Variants in MYRFL observed in about 807,000 individuals in gnomAD.
MYRFL encodes the protein myelin regulatory factor-like protein.
Under a neutral mutation model 109.4 loss-of-function variants are expected in MYRFL, and 88 were observed. That is an observed-to-expected ratio of 0.80 (90% CI 0.68 to 0.96). The LOEUF (loss-of-function observed/expected upper bound fraction) is 0.96, where lower values mean the gene tolerates loss of function less well. Among genes scored for constraint, MYRFL ranks in the 40% least tolerant of loss-of-function variants. The probability of loss-of-function intolerance (pLI) is 0.00; values close to 1 mark genes in which losing one functional copy is unlikely to be tolerated. For synonymous variants in MYRFL, 324 were observed against 320.9 expected, an observed-to-expected ratio of 1.01 and a Z score of -0.10; for missense variants, 957 against 954.9, an observed-to-expected ratio of 1.00 and a Z score of -0.03.
intron 21 of MYRFL, among the ~76,000 whole-genome samples, chr12:69,954,872 G>T (rs530343192): frequency 3.3e-4 from 51 of 152,286 alleles, no homozygotes; most frequent in African/African-American, 1.2e-3. Context: ...ATGGTAATTA[G>T]AATTATAACA....
chr12:69,916,683 T>C (rs1283412780), intron 13 of MYRFL, among the ~76,000 whole-genome samples: 1 of 152,166 alleles, frequency 6.6e-6, no homozygotes, highest in Non-Finnish European at 1.5e-5. Flanking sequence ...GGCTACAGAC[T>C]GTTATAACCC....
chr12:69,893,052 C>G (rs1424388862), intron 7 of MYRFL, among the ~76,000 whole-genome samples: 1 of 152,116 alleles, frequency 6.6e-6, no homozygotes, highest in Non-Finnish European at 1.5e-5. Flanking sequence ...GTTAATAAAA[C>G]TTCAGTGAAC....
chr12:69,929,092 A>G (rs1955189450), intron 15 of MYRFL, among the ~76,000 whole-genome samples: 1 of 152,206 alleles, frequency 6.6e-6, no homozygotes, highest in South Asian at 2.1e-4. Context: ...ACGTTTATCA[A>G]ATGAATACAT....
intron 1 of MYRFL, among the ~76,000 whole-genome samples, chr12:69,836,716 A>G (rs1421955301): frequency 6.6e-6 from 1 of 152,188 alleles, no homozygotes; most frequent in Admixed American, 6.5e-5. Flanking sequence ...TAAGGATAAG[A>G]CAAACAAAAA....
intron 2 of MYRFL, among the ~76,000 whole-genome samples, chr12:69,865,242 G>T (rs1884947232): frequency 6.6e-6 from 1 of 152,200 alleles, no homozygotes; most frequent in African/African-American, 2.4e-5. Flanking sequence ...TTATGCTTGG[G>T]TTCAATGAGG....
chr12:69,839,756 A>G (rs1329287495), intron 1 of MYRFL, among the ~76,000 whole-genome samples: 3 of 152,222 alleles, frequency 2.0e-5, no homozygotes, highest in African/African-American at 7.2e-5. Context: ...AGAGTTCACT[A>G]AACTTACCAA....
chr12:69,912,996 C>T (rs1306674089), intron 13 of MYRFL, among the ~76,000 whole-genome samples: 1 of 152,066 alleles, frequency 6.6e-6, no homozygotes, highest in African/African-American at 2.4e-5. Flanking sequence ...CAAACAGAAG[C>T]CATCCAAATG....
intron 19 of MYRFL, among the ~76,000 whole-genome samples, chr12:69,943,775 A>G (rs1391790751): frequency 6.7e-6 from 1 of 149,208 alleles, no homozygotes; most frequent in Non-Finnish European, 1.5e-5. Context: ...AATTTTTGCA[A>G]CCTACTCATC....
At position 69,910,047 on chromosome 12, in the gene MYRFL, G is replaced by A. The variant is rs1954504924; in HGVS notation, c.1462G>A (p.Ala488Thr). Reference sequence around the variant, plus strand: ...TGACTACAAACCTGAATTTGCATCTGCAATGGGAATAAACACTGCCCATCA... The same window carrying A: ...TGACTACAAACCTGAATTTGCATCTACAATGGGAATAAACACTGCCCATCA... ...EYDYKPEFAS[A>T]MGINTAHQTG... Residue 488 changes from alanine (A) to threonine (T), a missense_variant, in exon 12 of 25, where the codon GCA becomes ACA. By Grantham distance (58) the Ala-to-Thr change is moderately conservative. Coordinates refer to ENST00000552032, the MANE Select transcript of MYRFL (RefSeq NM_182530.3). 6.5e-7 allele frequency: 1 copy of A among 1,534,182 alleles called. No homozygotes were observed. The highest frequency in any genetic ancestry group is 1.4e-5 in the African/African-American group (1 of 72,924).
intron 2 of MYRFL, among the ~76,000 whole-genome samples, chr12:69,877,690 T>G (rs1005488640): frequency 2.1e-4 from 32 of 152,196 alleles, no homozygotes; most frequent in African/African-American, 7.7e-4. Context: ...TAATAGGAAG[T>G]GAATAAATTA....
At chr12:69,859,286 A>G (rs917592291) in intron 2 of MYRFL, among the ~76,000 whole-genome samples, 6 of 152,154 alleles carry the variant, frequency 3.9e-5, no homozygotes, top group African/African-American at 1.4e-4. Context: ...GGTGAATGTT[A>G]CGTATGCACT....
At chr12:69,880,063 G>T in intron 4 of MYRFL, 138 bp from the exon 5 acceptor site, 2 of 583,176 alleles carry the variant, frequency 3.4e-6, no homozygotes, top group East Asian at 5.7e-5. Flanking sequence ...AATAGTTTCA[G>T]CCTAGTAGGG....
At chr12:69,847,018 A>G (rs1009900506) in intron 1 of MYRFL, among the ~76,000 whole-genome samples, 5 of 152,020 alleles carry the variant, frequency 3.3e-5, no homozygotes, top group Admixed American at 1.3e-4. Flanking sequence ...GTCTGTTCAT[A>G]TCCTTTGCCC....
At position 69,862,884 on chromosome 12, in the gene MYRFL, G is replaced by GTTTGTC. The variant is rs1395300895; in HGVS notation, c.137+7515_137+7520dup. On this transcript the variant is annotated intron_variant, in intron 2 of 24. Coordinates refer to ENST00000552032, the MANE Select transcript of MYRFL (RefSeq NM_182530.3). ...CCATTCAGTATGATATTGGCTGTGG[G>GTTTGTC]TTTGTCATAGATAGCTGTTATTATT... 5.3e-5 allele frequency among the ~76,000 whole-genome samples: 8 copies of GTTTGTC among 152,272 alleles called. No individual in the cohort carries two copies. The East Asian group carries it at 1.5e-3, about 29-fold the overall frequency.
At chr12:69,854,340 G>GGAGGGGGAGGGA (rs1884131495) in intron 1 of MYRFL, among the ~76,000 whole-genome samples, 1 of 141,794 alleles carries the variant, frequency 7.1e-6, no homozygotes, top group African/African-American at 2.6e-5. Flanking sequence ...CCGTGGAGGG[G>GGAGGGGGAGGGA]GAGGGGGAGG....
At chr12:69,885,240 T>C (rs1260624780) in intron 5 of MYRFL, among the ~76,000 whole-genome samples, 2 of 152,212 alleles carry the variant, frequency 1.3e-5, no homozygotes, top group Non-Finnish European at 2.9e-5. Flanking sequence ...GAAATCTTTC[T>C]AAAATGGGCA....
intron 5 of MYRFL, among the ~76,000 whole-genome samples, chr12:69,883,192 A>T (rs1886238375): frequency 6.6e-6 from 1 of 152,328 alleles, no homozygotes; most frequent in Middle Eastern, 3.4e-3. Flanking sequence ...CAGCTGTGAC[A>T]CTGGGCAAGT....
chr12:69,839,041 GA>G (rs1345189159), intron 1 of MYRFL, among the ~76,000 whole-genome samples: 1 of 152,130 alleles, frequency 6.6e-6, no homozygotes, highest in East Asian at 1.9e-4. Context: ...CTAAGTTTGT[GA>G]AAAAGCAATG....
rs1456738990 is a variant in MYRFL, at chr12:69,923,331, T to C, written c.1603-3240T>C. Reference sequence around the variant, plus strand: ...ATCTGGGTCCTTTCACTGGGAATGGTATTTAGAGACTACAATGAGGAGTCT... The same window carrying C: ...ATCTGGGTCCTTTCACTGGGAATGGCATTTAGAGACTACAATGAGGAGTCT... On this transcript the variant is annotated intron_variant, in intron 13 of 24. Transcript: ENST00000552032. Among the ~76,000 whole-genome samples the C allele has an allele frequency of 1.1e-4, 16 of 152,284 alleles. No individual in the cohort carries two copies. In the East Asian group the frequency reaches 3.1e-3, roughly 29 times the overall value.
Sources: gnomAD v4.1 joint callset for allele counts (sites outside exome capture counted in the v4.1 genomes callset) on GRCh38, gnomAD v4.1.1 for gene constraint, MANE v1.5 for transcripts, NCBI Gene and HGNC (gene_info 2026-07-23, HGNC 2026-07-21) for gene names.